Variants in CYP2C19 observed in about 807,000 individuals in gnomAD.
CYP2C19 encodes cytochrome P450 2C19.
Under a neutral mutation model 40.9 loss-of-function variants are expected in CYP2C19, and 59 were observed. The observed-to-expected ratio is 1.44, with a 90% confidence interval of 1.17 to 1.79. The LOEUF is 1.79. Ranked by LOEUF, CYP2C19 falls within the 40% of genes most tolerant of loss-of-function variation. CYP2C19 has a pLI of 0.00. For synonymous variants in CYP2C19, 253 were observed against 208.7 expected (o/e 1.21, Z -1.83); for missense variants, 754 against 596.9 (o/e 1.26, Z -2.74).
intron 1 of CYP2C19, among the ~76,000 whole-genome samples, chr10:94,765,567 A>G (rs1252415755): frequency 1.3e-5 from 2 of 152,020 alleles, no homozygotes; most frequent in African/African-American, 2.4e-5. Flanking sequence ...CCCATTGGAG[A>G]AAAAACCGTT....
intron 6 of CYP2C19, among the ~76,000 whole-genome samples, chr10:94,831,637 A>G (rs575537865): frequency 2.0e-5 from 3 of 152,220 alleles, no homozygotes; most frequent in South Asian, 4.1e-4. Flanking sequence ...TTTGATTTAC[A>G]TTTCTCTGAT....
chr10:94,787,250 T>G (rs1848554347), intron 5 of CYP2C19, among the ~76,000 whole-genome samples: 1 of 152,156 alleles, frequency 6.6e-6, no homozygotes, highest in African/African-American at 2.4e-5. Flanking sequence ...TGATGATAAG[T>G]GATGTTCAGC....
At chr10:94,802,187 C>T (rs1354082223) in intron 5 of CYP2C19, among the ~76,000 whole-genome samples, 1 of 152,124 alleles carries the variant, frequency 6.6e-6, no homozygotes, top group African/African-American at 2.4e-5. Context: ...AGTTTACAAA[C>T]CTCTAGCTAG....
At chr10:94,814,144 C>T (rs560769667) in intron 5 of CYP2C19, among the ~76,000 whole-genome samples, 2,916 of 143,340 alleles carry the variant, frequency 0.02, no homozygotes, top group South Asian at 0.05. Context: ...GTGAGATGAG[C>T]CAGGTACCTC....
intron 5 of CYP2C19, among the ~76,000 whole-genome samples, chr10:94,784,112 A>G (rs1848511486): frequency 6.6e-6 from 1 of 152,058 alleles, no homozygotes; most frequent in African/African-American, 2.4e-5. Flanking sequence ...TTCTGTCTCT[A>G]TGGGTTTGCG....
At chr10:94,774,296 C>A (rs1181473279) in intron 1 of CYP2C19, 1 of 152,072 alleles carries the variant, frequency 6.6e-6, no homozygotes, top group Non-Finnish European at 1.5e-5. Context: ...TAATAAGTGA[C>A]ATGTGGCTTA....
intron 5 of CYP2C19, among the ~76,000 whole-genome samples, chr10:94,810,816 A>T (rs889616139): frequency 1.3e-5 from 2 of 151,316 alleles, no homozygotes; most frequent in African/African-American, 2.4e-5. Flanking sequence ...CTATTTTGTT[A>T]ATCTTTTCAG....
intron 6 of CYP2C19, among the ~76,000 whole-genome samples, chr10:94,840,813 G>A (rs1478301073): frequency 1.3e-5 from 2 of 152,190 alleles, no homozygotes; most frequent in Non-Finnish European, 2.9e-5. Flanking sequence ...CCCAATAGAA[G>A]GGTTGGTTGT....
chr10:94,826,183 A>C (rs1255043270), intron 6 of CYP2C19, among the ~76,000 whole-genome samples: 2 of 152,116 alleles, frequency 1.3e-5, no homozygotes, highest in East Asian at 3.9e-4. Context: ...AGTTTTTTCC[A>C]ATTCTGTGAA....
intron 7 of CYP2C19, among the ~76,000 whole-genome samples, chr10:94,848,678 T>C (rs1164203109): frequency 6.6e-6 from 1 of 152,212 alleles, no homozygotes; most frequent in Non-Finnish European, 1.5e-5. Context: ...AGTATGGCCA[T>C]TTTCACAATA....
intron 1 of CYP2C19, among the ~76,000 whole-genome samples, chr10:94,771,135 A>G (rs1848324280): frequency 6.6e-6 from 1 of 152,050 alleles, no homozygotes; most frequent in African/African-American, 2.4e-5. Context: ...TCTGCTGTAA[A>G]TCAGAGAGGG....
intron 6 of CYP2C19, among the ~76,000 whole-genome samples, chr10:94,829,282 C>G (rs377755397): frequency 6.6e-6 from 1 of 152,184 alleles, no homozygotes; most frequent in Admixed American, 6.5e-5. Context: ...TCCATTCTCC[C>G]CATCACTTTC....
chr10:94,781,134 G>T (rs117942833), intron 4 of CYP2C19, among the ~76,000 whole-genome samples: 1 of 152,192 alleles, frequency 6.6e-6, no homozygotes, highest in Non-Finnish European at 1.5e-5. Context: ...ACTGAATAGG[G>T]CAGAGGTGTT....
intron 6 of CYP2C19, among the ~76,000 whole-genome samples, chr10:94,829,130 C>T (rs540962554): frequency 6.6e-6 from 1 of 152,254 alleles, no homozygotes; most frequent in South Asian, 2.1e-4. Context: ...GTGAAACTGA[C>T]AATTATGTGT....
intron 6 of CYP2C19, among the ~76,000 whole-genome samples, chr10:94,825,992 G>A (rs1589369325): frequency 1.3e-5 from 2 of 149,722 alleles, no homozygotes; most frequent in Non-Finnish European, 3.0e-5. Flanking sequence ...ATTTCTGAGG[G>A]CTCTGTTCTG....
At chr10:94,828,299 A>C (rs569346027) in intron 6 of CYP2C19, among the ~76,000 whole-genome samples, 119 of 151,778 alleles carry the variant, frequency 7.8e-4, no homozygotes, top group African/African-American at 2.8e-3. Context: ...TGGGAGTCTA[A>C]GTCTCTTTGT....
chr10:94,827,865 C>T, intron 6 of CYP2C19, among the ~76,000 whole-genome samples: 1 of 151,886 alleles, frequency 6.6e-6, no homozygotes, highest in Non-Finnish European at 1.5e-5. Flanking sequence ...TATGTTGTGT[C>T]TTTGTTCTTG....
intron 3 of CYP2C19, 47 bp downstream of exon 3, chr10:94,775,586 T>C (rs1848397292): frequency 3.1e-6 from 5 of 1,613,758 alleles, no homozygotes; most frequent in African/African-American, 1.3e-5. Context: ...ACTGCTCTCC[T>C]CTCTACTGAC....
chr10:94,765,235 GT>G (rs1848224070), intron 1 of CYP2C19, among the ~76,000 whole-genome samples: 1 of 152,090 alleles, frequency 6.6e-6, no homozygotes, highest in African/African-American at 2.4e-5. Flanking sequence ...AGGGATATTA[GT>G]TGTATGGCTT....
Sources: gnomAD v4.1 joint callset for allele counts (sites outside exome capture counted in the v4.1 genomes callset) on GRCh38, gnomAD v4.1.1 for gene constraint, MANE v1.5 for transcripts, NCBI Gene and HGNC (gene_info 2026-07-23, HGNC 2026-07-21) for gene names.